Variants in COL19A1 observed in about 807,000 individuals in gnomAD.
COL19A1 encodes the protein collagen alpha-1(XIX) chain.
A neutral mutation model predicts 190.2 loss-of-function variants in COL19A1; 159 were observed. The observed-to-expected ratio is 0.84, with a 90% CI of 0.73 to 0.95. The LOEUF is 0.95. Ranked by LOEUF, COL19A1 falls within the 40% of genes least tolerant of loss-of-function variation. The pLI is 0.00. For synonymous variants in COL19A1, 509 were observed against 458.9 expected (o/e 1.11, Z -1.39); for missense variants, 1,418 against 1,431.9 (o/e 0.99, Z 0.16).
chr6:69,896,429 C>T (rs1424091215), intron 2 of COL19A1, among the ~76,000 whole-genome samples: 1 of 150,808 alleles, frequency 6.6e-6, no homozygotes, highest in Non-Finnish European at 1.5e-5. Flanking sequence ...CCCAGCTACT[C>T]TGGAGGCTGA....
chr6:70,119,220 A>G (rs1341884256), intron 16 of COL19A1, among the ~76,000 whole-genome samples: 1 of 152,218 alleles, frequency 6.6e-6, no homozygotes, highest in Admixed American at 6.5e-5. Context: ...ACATTTGAAT[A>G]CAGTCACAGA....
At chr6:70,160,018 C>A (rs1427156189) in intron 34 of COL19A1, among the ~76,000 whole-genome samples, 1 of 152,026 alleles carries the variant, frequency 6.6e-6, no homozygotes, top group Non-Finnish European at 1.5e-5. Flanking sequence ...CAAAAATGCA[C>A]TAAAAGATAA....
intron 34 of COL19A1, among the ~76,000 whole-genome samples, chr6:70,161,138 T>C (rs1476936552): frequency 3.9e-5 from 6 of 152,166 alleles, no homozygotes; most frequent in Admixed American, 3.9e-4. Flanking sequence ...TATTCATTAT[T>C]ATGCTTAAGC....
chr6:70,131,996 A>G (rs1785553607), intron 18 of COL19A1, among the ~76,000 whole-genome samples: 1 of 152,228 alleles, frequency 6.6e-6, no homozygotes, highest in African/African-American at 2.4e-5. Context: ...ACTCAAATAA[A>G]TAACACAGAA....
intron 14 of COL19A1, among the ~76,000 whole-genome samples, chr6:70,036,569 A>G (rs1779362419): frequency 6.6e-6 from 1 of 152,164 alleles, no homozygotes. Context: ...ATATTCAGAT[A>G]CAATTTACTA....
At chr6:69,968,806 A>G (rs895049433) in intron 11 of COL19A1, among the ~76,000 whole-genome samples, 1 of 152,164 alleles carries the variant, frequency 6.6e-6, no homozygotes, top group African/African-American at 2.4e-5. Flanking sequence ...ATGTTTATAT[A>G]ATATACGTAA....
chr6:70,059,953 T>C (rs1055763565), intron 14 of COL19A1, among the ~76,000 whole-genome samples: 2 of 152,126 alleles, frequency 1.3e-5, no homozygotes, highest in African/African-American at 4.8e-5. Flanking sequence ...GCTATGCAAA[T>C]GTGTGGTGTG....
At chr6:70,194,940 G>T (rs978955673) in intron 48 of COL19A1, among the ~76,000 whole-genome samples, 16 of 151,112 alleles carry the variant, frequency 1.1e-4, no homozygotes, top group African/African-American at 3.7e-4. Flanking sequence ...ATGTTTTCTC[G>T]ATATGCATTT....
At chr6:70,016,366 T>TAAA (rs752043571) in intron 11 of COL19A1, among the ~76,000 whole-genome samples, 2,201 of 35,236 alleles carry the variant, frequency 0.062, no homozygotes, top group East Asian at 0.12. Flanking sequence ...TAGAGTATAA[T>TAAA]AAAAAAAAAA....
intron 15 of COL19A1, among the ~76,000 whole-genome samples, chr6:70,088,217 G>A (rs12530055): frequency 0.63 from 95,726 of 151,954 alleles, 30,448 homozygotes; most frequent in South Asian, 0.71. Flanking sequence ...TCTCTTAAAT[G>A]CCTCTCAGAT....
rs143920140 is a variant in COL19A1 at position 70,211,942 on chromosome 6, T to A, written c.*4668T>A. ...AAAATTGCGTGTTCAGATCCAATAG[T>A]GAGTGATGTGGTACAACTGGAGGAG... On this transcript the variant is annotated 3_prime_UTR_variant, in exon 51 of 51. Coordinates refer to ENST00000620364, the MANE Select transcript of COL19A1 (RefSeq NM_001858.6). Among the ~76,000 whole-genome samples, 2 of 152,226 alleles carry A rather than the reference T, an allele frequency of 1.3e-5. No homozygotes were observed. The highest frequency in any genetic ancestry group is 4.8e-5 in the African/African-American group (2 of 41,546).
chr6:70,076,850 C>A (rs987267119), intron 15 of COL19A1, among the ~76,000 whole-genome samples: 1 of 152,196 alleles, frequency 6.6e-6, no homozygotes, highest in Admixed American at 6.5e-5. Flanking sequence ...TATGCTAATA[C>A]ACCTGCATCA....
intron 9 of COL19A1, among the ~76,000 whole-genome samples, chr6:69,947,679 A>G (rs1239379055): frequency 1.3e-5 from 2 of 151,868 alleles, no homozygotes; most frequent in African/African-American, 4.8e-5. Flanking sequence ...TTATTCACCT[A>G]AAGTTAGCAC....
chr6:70,045,839 C>G (rs1779881697), intron 14 of COL19A1, among the ~76,000 whole-genome samples: 2 of 152,144 alleles, frequency 1.3e-5, no homozygotes, highest in African/African-American at 4.8e-5. Context: ...AACCCATGAC[C>G]CAGACTTGAG....
chr6:70,124,095 A>G (rs931040644), intron 17 of COL19A1, among the ~76,000 whole-genome samples: 1 of 151,764 alleles, frequency 6.6e-6, no homozygotes, highest in African/African-American at 2.4e-5. Context: ...AAAAAATAAA[A>G]TAAAATAAAT....
At chr6:69,972,450 A>G (rs971508939) in intron 11 of COL19A1, among the ~76,000 whole-genome samples, 1 of 152,216 alleles carries the variant, frequency 6.6e-6, no homozygotes, top group Non-Finnish European at 1.5e-5. Flanking sequence ...CCTAGCACAC[A>G]AAAGTATTCA....
intron 25 of COL19A1, among the ~76,000 whole-genome samples, 191 bp downstream of exon 25, chr6:70,145,198 T>C (rs1412058705): frequency 6.6e-6 from 1 of 152,096 alleles, no homozygotes; most frequent in Non-Finnish European, 1.5e-5. Context: ...AGAAAATAAA[T>C]AGTTCTACAA....
chr6:70,088,604 A>G (rs1293905110), intron 15 of COL19A1, among the ~76,000 whole-genome samples: 2 of 152,174 alleles, frequency 1.3e-5, no homozygotes, highest in Admixed American at 6.6e-5. Flanking sequence ...ATGCAGACTT[A>G]TAATTCTTGA....
At position 70,199,751 on chromosome 6, in the gene COL19A1, G is replaced by A. The variant is rs375539456; in HGVS notation, c.3223+15G>A. On this transcript the variant is annotated intron_variant, in intron 49 of 50. Transcript: ENST00000620364. The stretch of plus-strand genomic sequence containing the variant: ...TGGACCCCAAGGTAAGTCTTCAAGT[G>A]TAATATTGGCTTATTGATTTTTAAC... 44 of 1,589,724 alleles carry A rather than the reference G, an allele frequency of 2.8e-5. No individual in the cohort carries two copies. The highest frequency in any genetic ancestry group is 3.6e-5 in the Non-Finnish European group (42 of 1,169,100).
Sources: gnomAD v4.1 joint callset for allele counts (sites outside exome capture counted in the v4.1 genomes callset) on GRCh38, gnomAD v4.1.1 for gene constraint, MANE v1.5 for transcripts, NCBI Gene and HGNC (gene_info 2026-07-23, HGNC 2026-07-21) for gene names.